The following ELOVL2 variants were observed in gnomAD, a reference collection of about 807,000 sequenced individuals.
The protein encoded by ELOVL2 is ELOVL fatty acid elongase 2, also known as very long chain fatty acid elongase 2.
Under a neutral mutation model 37.7 loss-of-function variants are expected in ELOVL2, and 38 were observed. The ratio of observed to expected loss-of-function variants is 1.01; its 90% CI spans 0.78 to 1.32. ELOVL2 has a LOEUF of 1.32. Ranked by LOEUF, ELOVL2 falls within the 40% of genes most tolerant of loss-of-function variation. The pLI, the probability that ELOVL2 is intolerant of heterozygous loss-of-function variation, is 0.00. For synonymous variants in ELOVL2, 115 were observed against 122.3 expected (o/e 0.94, Z 0.40); for missense variants, 352 against 363.6 (o/e 0.97, Z 0.26).
intron 1 of ELOVL2, among the ~76,000 whole-genome samples, chr6:11,023,200 T>C (rs373920632): frequency 6.6e-6 from 1 of 152,220 alleles, no homozygotes; most frequent in East Asian, 1.9e-4. Flanking sequence ...TCAGGACACC[T>C]TGGAACTGTA....
Position 11,044,225 on chromosome 6 carries a change from C to T in ELOVL2, c.3+3G>A, listed in dbSNP as rs1783170244. ...GTCGGTGGCGGCGCGCGGCCCCACT[C>T]ACCATGATCCGCAGCGGCTGTGGCG... On this transcript the variant is annotated splice_donor_region_variant and intron_variant, in intron 1 of 7. Coordinates refer to ENST00000354666, the MANE Select transcript of ELOVL2 (RefSeq NM_017770.4). The surrounding 1 kb of genome is among the most constrained non-coding windows in gnomAD (Gnocchi z 5.6). 4 of 1,404,640 alleles carry T rather than the reference C, an allele frequency of 2.8e-6. No homozygotes were observed. The highest frequency in any genetic ancestry group is 5.8e-5 in the Admixed American group (2 of 34,256). 87.0% of individuals were successfully genotyped at this position (1,404,640 alleles called of 1,614,324 possible). A position where few individuals can be genotyped will look rare whatever the true frequency, so the allele number is the denominator to read the frequency against.
At chr6:11,003,919 TAA>T (rs1182943453) in intron 3 of ELOVL2, among the ~76,000 whole-genome samples, 3 of 141,342 alleles carry the variant, frequency 2.1e-5, no homozygotes, top group Non-Finnish European at 3.1e-5. Flanking sequence ...CCATCTCTAC[TAA>T]AAAAAAAAAA....
At chr6:11,018,218 C>T (rs564829179) in intron 1 of ELOVL2, among the ~76,000 whole-genome samples, 97 of 152,232 alleles carry the variant, frequency 6.4e-4, no homozygotes, top group Non-Finnish European at 9.9e-4. Flanking sequence ...TGATACATTA[C>T]GGGATCTTAG....
In ELOVL2 at chr6:11,010,801, T is replaced by C. The variant is rs986119036; in HGVS notation, c.12A>G (p.Leu4=). ...CATTGATTTCATCATCAAAGGCCTT[T>C]AGATGTTCCTAAAAAGAGAAAGAAA... MEH[L]KAFDDEINAF... The change falls in exon 2 of 8, where the codon CTA becomes CTG. Residue 4 remains leucine (L), a synonymous_variant. Transcript: ENST00000354666. 5.0e-6 allele frequency: 8 copies of C among 1,606,690 alleles called. No homozygotes were observed. Among genetic ancestry groups the C allele is most frequent in the Non-Finnish European group, 6.8e-6 (8 of 1,177,908 alleles).
chr6:10,985,522 TGTATAAG>T (rs1420225116), intron 7 of ELOVL2, among the ~76,000 whole-genome samples: 4 of 147,980 alleles, frequency 2.7e-5, no homozygotes, highest in African/African-American at 1.0e-4. Flanking sequence ...AAGTAATTTT[TGTATAAG>T]GTGTAAGGAA....
At chr6:10,999,846 T>G (rs546538037) in intron 4 of ELOVL2, among the ~76,000 whole-genome samples, 3 of 152,348 alleles carry the variant, frequency 2.0e-5, no homozygotes, top group East Asian at 3.9e-4. Flanking sequence ...TGTAGCGGTA[T>G]AGAGCTCTTC....
chr6:10,996,209 A>G (rs1782265963), intron 4 of ELOVL2, among the ~76,000 whole-genome samples: 1 of 152,216 alleles, frequency 6.6e-6, no homozygotes, highest in Non-Finnish European at 1.5e-5. Flanking sequence ...TCCCAAGAAG[A>G]CCATCATAAG....
chr6:11,016,847 A>G (rs1782692296), intron 1 of ELOVL2, among the ~76,000 whole-genome samples: 1 of 152,264 alleles, frequency 6.6e-6, no homozygotes, highest in South Asian at 2.1e-4. Context: ...ATAAAAATGC[A>G]TAAAATTATT....
At chr6:11,014,341 T>C (rs1379580118) in intron 1 of ELOVL2, among the ~76,000 whole-genome samples, 1 of 151,644 alleles carries the variant, frequency 6.6e-6, no homozygotes, top group Non-Finnish European at 1.5e-5. Flanking sequence ...TGGCCGGGCG[T>C]GGTGGTGCAC....
At chr6:10,990,096 A>T (rs1484158215) in intron 6 of ELOVL2, among the ~76,000 whole-genome samples, 1 of 152,262 alleles carries the variant, frequency 6.6e-6, no homozygotes, top group Non-Finnish European at 1.5e-5. Context: ...ATTAATTTGA[A>T]AAGTAATCAT....
intron 5 of ELOVL2, 82 bp downstream of exon 5, chr6:10,994,925 G>T: frequency 8.7e-7 from 1 of 1,146,742 alleles, no homozygotes; most frequent in Non-Finnish European, 1.2e-6. Context: ...CTCCTGATCT[G>T]CATGCGATGC....
In ELOVL2 at chr6:10,988,924, CCAAA is replaced by C. The variant is rs375789985; in HGVS notation, c.765+775_765+778del. 8.4e-4 allele frequency among the ~76,000 whole-genome samples: 128 copies of C among 152,234 alleles called. 1 individual carries two copies. The highest frequency in any genetic ancestry group is 2.8e-3 in the African/African-American group (118 of 41,546). On this transcript the variant is annotated intron_variant, in intron 7 of 7. Transcript: ENST00000354666. ...CGGTGCGGCCTTTCCATCCTGGTTCCCAAACAAACAGTGAGGCTGCAACATCAGG... is the reference window on the plus strand; with the variant it reads ...CGGTGCGGCCTTTCCATCCTGGTTCCCAAACAGTGAGGCTGCAACATCAGG...
chr6:11,013,371 G>A (rs1023795746), intron 1 of ELOVL2, among the ~76,000 whole-genome samples: 3 of 152,126 alleles, frequency 2.0e-5, no homozygotes, highest in African/African-American at 4.8e-5. Context: ...AGTGAACTGG[G>A]GTGAGATTAG....
In ELOVL2 at chr6:10,995,055, T is replaced by TAGA; in HGVS notation, c.454_456dup (p.Ser152dup). 6.2e-7 allele frequency: 1 copy of TAGA among 1,613,080 alleles called. No homozygotes were observed. Among genetic ancestry groups the TAGA allele is most frequent in the South Asian group, 1.1e-5 (1 of 90,842 alleles). On this transcript the variant is annotated inframe_insertion, in exon 5 of 8. Coordinates refer to ENST00000354666, the MANE Select transcript of ELOVL2 (RefSeq NM_017770.4). ...AAGACACACCACCAGATGTTAAACA[T>TAGA]AGAAGCATGATGATATACATGAAGA...
rs1366574880 is a variant in ELOVL2, at chr6:10,983,030, A to G, written c.*751T>C. ...ATCTGTATAACCTAGGCTGACTGGCACAAGAGGGAGACATGAACAGATGAA... is the reference window on the plus strand; with the variant it reads ...ATCTGTATAACCTAGGCTGACTGGCGCAAGAGGGAGACATGAACAGATGAA... On this transcript the variant is annotated 3_prime_UTR_variant, in exon 8 of 8. Transcript: ENST00000354666. 6.6e-6 allele frequency: 1 copy of G among 152,242 alleles called. No individual in the cohort carries two copies. The highest frequency in any genetic ancestry group is 1.5e-5 in the Non-Finnish European group (1 of 68,050). 9.4% of individuals were successfully genotyped at this position (152,242 alleles called of 1,614,324 possible).
intron 2 of ELOVL2, among the ~76,000 whole-genome samples, chr6:11,010,472 T>C (rs1250868187): frequency 1.3e-5 from 2 of 152,202 alleles, no homozygotes; most frequent in Non-Finnish European, 2.9e-5. Flanking sequence ...AACCCGGCTT[T>C]GTAGCCAGAC....
At chr6:10,993,344 AAGG>A (rs1223365098) in intron 5 of ELOVL2, among the ~76,000 whole-genome samples, 6 of 152,310 alleles carry the variant, frequency 3.9e-5, no homozygotes, top group Non-Finnish European at 7.4e-5. Context: ...CTTTTCCTAC[AAGG>A]AGGTTTTGCA....
intron 5 of ELOVL2, among the ~76,000 whole-genome samples, chr6:10,993,150 T>C (rs1267307236): frequency 6.6e-6 from 1 of 152,126 alleles, no homozygotes; most frequent in East Asian, 1.9e-4. Context: ...AAACAGGCAT[T>C]TGTTTGCTGT....
intron 3 of ELOVL2, among the ~76,000 whole-genome samples, chr6:11,004,793 T>C (rs1185606855): frequency 2.6e-5 from 4 of 152,226 alleles, no homozygotes; most frequent in Admixed American, 6.5e-5. Flanking sequence ...AAGGAGAAAA[T>C]TGTAACATGA....
Sources: allele counts gnomAD v4.1 joint callset (sites outside exome capture counted in the v4.1 genomes callset), GRCh38; gene constraint gnomAD v4.1.1; non-coding constraint Gnocchi (gnomAD v3.1); transcripts MANE v1.5; gene names NCBI Gene and HGNC (gene_info 2026-07-23, HGNC 2026-07-21).